SETD1A: variants seen among roughly 807,000 people sequenced by gnomAD.
SETD1A encodes histone-lysine N-methyltransferase SETD1A.
A neutral mutation model predicts 149.9 loss-of-function variants in SETD1A; 29 were observed. The ratio of observed to expected loss-of-function variants is 0.19; its 90% CI spans 0.14 to 0.26. The LOEUF (loss-of-function observed/expected upper bound fraction) is 0.26, where lower values mean the gene tolerates loss of function less well. SETD1A is among the 10% of genes least tolerant of loss of function. SETD1A has a pLI of 1.00. For missense variants in SETD1A, 2,109 were observed against 2,353.1 expected (o/e 0.90, Z 2.15); for synonymous variants, 1,141 against 968.5 (o/e 1.18, Z -3.31).
At chr16:30,982,932 T>C (rs2143601214) in intron 17 of SETD1A, among the ~76,000 whole-genome samples, 1 of 151,806 alleles carries the variant, frequency 6.6e-6, no homozygotes, top group East Asian at 1.9e-4. Context: ...GAAGAACAAA[T>C]ATATGGTCAA....
rs142782803 is a variant in SETD1A at position 30,980,018 on chromosome 16, C to T, written c.4232C>T (p.Pro1411Leu). 367 of 1,538,544 alleles carry T rather than the reference C, an allele frequency of 2.4e-4. 2 individuals carry two copies. Among genetic ancestry groups the T allele is most frequent in the Non-Finnish European group, 8.9e-5 (102 of 1,147,734 alleles). ...CCTCCGCCCCCACCCCCGCCGCCACCGCCCCGCGCCTACGAGCCACGCAGT... is the reference window on the plus strand; with the variant it reads ...CCTCCGCCCCCACCCCCGCCGCCACTGCCCCGCGCCTACGAGCCACGCAGT... ...RRPPPPPPPP[P>L]PRAYEPRSEF... The change falls in exon 14 of 19, where the codon CCG (proline) becomes CTG (leucine). Residue 1411 changes from proline to leucine, a missense_variant. Pro to Leu is a moderately conservative substitution (Grantham distance 98). Around this residue, in one of 8 missense-constraint regions of SETD1A, gnomAD observed 832 missense variants for 815.6 expected, o/e 1.02. Transcript: ENST00000262519. This position sits in a 1 kb window ranked among gnomAD's most constrained non-coding sequence, Gnocchi z 7.7.
At chr16:30,981,693 A>G (rs2056380279) in intron 17 of SETD1A, among the ~76,000 whole-genome samples, 1 of 152,212 alleles carries the variant, frequency 6.6e-6, no homozygotes, top group Non-Finnish European at 1.5e-5. Flanking sequence ...CTCCCTTTCA[A>G]AGGGCCTGGG....
rs2056141424 is a variant in SETD1A at position 30,966,095 on chromosome 16, G to A, written c.2214G>A (p.Glu738=). The part of the protein sequence containing the change: ...LPYALYAQGQ[E]GRGAYSREAY... ...ATGCTCTATATGCACAGGGGCAGGA[G>A]GGCAGAGGGGCATACTCACGGGAGG... The change falls in exon 8 of 19, where the codon GAG becomes GAA. Residue 738 remains glutamate (E), a synonymous_variant. Coordinates refer to ENST00000262519, the MANE Select transcript of SETD1A (RefSeq NM_014712.3). 1 of 1,594,350 alleles carries A rather than the reference G, an allele frequency of 6.3e-7. No individual in the cohort carries two copies. The highest frequency in any genetic ancestry group is 8.6e-7 in the Non-Finnish European group (1 of 1,168,766).
chr16:30,961,614 C>T lies in SETD1A; in HGVS notation c.517+77C>T. 7.1e-7 allele frequency: 1 copy of T among 1,408,110 alleles called. No individual in the cohort carries two copies. Among genetic ancestry groups the T allele is most frequent in the Non-Finnish European group, 9.8e-7 (1 of 1,017,476 alleles). 87.2% of individuals were successfully genotyped at this position (1,408,110 alleles called of 1,614,324 possible). On this transcript the variant is annotated intron_variant, in intron 4 of 18. Coordinates refer to ENST00000262519, the MANE Select transcript of SETD1A (RefSeq NM_014712.3). The surrounding 1 kb of genome is among the most constrained non-coding windows in gnomAD (Gnocchi z 4.0). ...CATGCAAATGCCTGTCAGGGTCAGG[C>T]AGGCGCCCAGGGTCATGATCTGAAA...
At position 30,983,370 on chromosome 16, in the gene SETD1A, G is replaced by A. The variant is rs1244482569; in HGVS notation, c.4813-265G>A. ...TGTGACCAGGCAGATGCTCGAAGGA[G>A]TCAGTGGCTCTCTTACCCAGTGCAG... On this transcript the variant is annotated intron_variant, in intron 17 of 18. Coordinates refer to ENST00000262519, the MANE Select transcript of SETD1A (RefSeq NM_014712.3). The surrounding 1 kb of genome is among the most constrained non-coding windows in gnomAD (Gnocchi z 6.8). Among the ~76,000 whole-genome samples the A allele has an allele frequency of 6.6e-6, 1 of 152,222 alleles. No individual in the cohort carries two copies. Among genetic ancestry groups the A allele is most frequent in the Non-Finnish European group, 1.5e-5 (1 of 68,042 alleles).
At chr16:30,968,494 A>C (rs1316592615) in intron 10 of SETD1A, among the ~76,000 whole-genome samples, 1 of 151,660 alleles carries the variant, frequency 6.6e-6, no homozygotes, top group Admixed American at 6.6e-5. Context: ...ATATATACAC[A>C]CACATATGCG....
chr16:30,971,094 A>G (rs1243293681), intron 12 of SETD1A, among the ~76,000 whole-genome samples: 2 of 151,952 alleles, frequency 1.3e-5, no homozygotes, highest in East Asian at 3.9e-4. Context: ...TGCAGTCCCC[A>G]TGTCTGTGTG....
chr16:30,961,821 T>C lies in SETD1A; in HGVS notation c.517+284T>C, dbSNP rs2056056361. On this transcript the variant is annotated intron_variant, in intron 4 of 18. Coordinates refer to ENST00000262519, the MANE Select transcript of SETD1A (RefSeq NM_014712.3). The surrounding 1 kb of genome is among the most constrained non-coding windows in gnomAD (Gnocchi z 4.0). ...GGTTGTACTAGGTAAGATGAATAGA[T>C]TGTAGTAAATCAGCCCAGGTCAGGT... Among the ~76,000 whole-genome samples, 1 of 151,822 alleles carries C rather than the reference T, an allele frequency of 6.6e-6. No individual in the cohort carries two copies. Among genetic ancestry groups the C allele is most frequent in the South Asian group, 2.1e-4 (1 of 4,830 alleles).
At chr16:30,963,398 C>T (rs1187730696) in intron 4 of SETD1A, 35 bp from the exon 5 acceptor site, 1 of 1,568,068 alleles carries the variant, frequency 6.4e-7, no homozygotes, top group Non-Finnish European at 8.7e-7. Context: ...TTAGTATCTC[C>T]ATCTGACAAT....
In SETD1A at chr16:30,964,974, C is replaced by T; in HGVS notation, c.1232C>T (p.Ser411Phe). The T allele has an allele frequency of 6.2e-7, 1 of 1,614,132 alleles. No individual in the cohort carries two copies. Among genetic ancestry groups the T allele is most frequent in the East Asian group, 2.2e-5 (1 of 44,892 alleles). ...GAGCGCTTCCCACCTTCTTACACCT[C>T]CTACCTGCCCCCCGAGCCCAGCCGG... is the stretch of plus-strand genomic sequence containing the variant. ...TAERFPPSYT[S>F]YLPPEPSRPT... Residue 411 changes from serine to phenylalanine, a missense_variant, in exon 7 of 19, where the codon TCC becomes TTC. Ser to Phe is a radical substitution (Grantham distance 155). Transcript: ENST00000262519.
Position 30,984,106 on chromosome 16 carries a change from T to C in SETD1A, c.*83T>C. 2 of 1,300,496 alleles carry C rather than the reference T, an allele frequency of 1.5e-6. No homozygotes were observed. The highest frequency in any genetic ancestry group is 2.1e-6 in the Non-Finnish European group (2 of 956,082). The allele number at this position is 1,300,496 out of a possible 1,614,324, so 80.6% of individuals were successfully genotyped here. On this transcript the variant is annotated 3_prime_UTR_variant, in exon 19 of 19. Transcript: ENST00000262519. ...CAGCACCCCCCCAGCCTTAGTGGGC[T>C]CAGCAGGGCCCACATGCCCCCATCT...
chr16:30,958,532 G>A, intron 1 of SETD1A, 185 bp from the exon 2 acceptor site: 1 of 596,926 alleles, frequency 1.7e-6, no homozygotes, highest in Non-Finnish European at 3.0e-6. Flanking sequence ...GAGGTGGAAA[G>A]AGGCTGGGTT....
chr16:30,961,666 A>G lies in SETD1A; in HGVS notation c.517+129A>G, dbSNP rs1017630085. ...TGCTGGGGCCAGTTGTGTTTCTGAA[A>G]TCAGATCAGATTTTAGAGTGGAATT... is the stretch of plus-strand genomic sequence containing the variant. On this transcript the variant is annotated intron_variant, in intron 4 of 18. Coordinates refer to ENST00000262519, the MANE Select transcript of SETD1A (RefSeq NM_014712.3). The surrounding 1 kb of genome is among the most constrained non-coding windows in gnomAD (Gnocchi z 4.0). 1.2e-6 allele frequency: 1 copy of G among 811,752 alleles called. No individual in the cohort carries two copies. Among genetic ancestry groups the G allele is most frequent in the Non-Finnish European group, 1.9e-6 (1 of 514,216 alleles). 50.3% of individuals were successfully genotyped at this position (811,752 alleles called of 1,614,324 possible).
rs746492237 is a variant in SETD1A at position 30,965,953 on chromosome 16, A to G, written c.2072A>G (p.His691Arg). 1.2e-6 allele frequency: 2 copies of G among 1,606,222 alleles called. No individual in the cohort carries two copies. Among genetic ancestry groups the G allele is most frequent in the South Asian group, 1.1e-5 (1 of 89,934 alleles). Residue 691 changes from histidine (H) to arginine (R), a missense_variant, in exon 8 of 19, where the codon CAT (histidine) becomes CGT (arginine). Around this residue, in one of 8 missense-constraint regions of SETD1A, gnomAD observed 431 missense variants for 388.6 expected, o/e 1.11. Transcript: ENST00000262519. Reference sequence around the variant, plus strand: ...CAGACCCAGATGTTAACTCGGCTCCATCAGCTGCGGCAGGGCAAGGGATTG... The same window carrying G: ...CAGACCCAGATGTTAACTCGGCTCCGTCAGCTGCGGCAGGGCAAGGGATTG... ...QMQTQMLTRLHQLRQGKGLIA... is the reference protein window; with the variant it reads ...QMQTQMLTRLRQLRQGKGLIA...
Position 30,961,425 on chromosome 16 carries a change from G to A in SETD1A, c.405G>A (p.Leu135=), listed in dbSNP as rs1170615476. The change falls in exon 4 of 19, where the codon CTG becomes CTA. Residue 135 remains leucine (L), a synonymous_variant. Coordinates refer to ENST00000262519, the MANE Select transcript of SETD1A (RefSeq NM_014712.3). This position sits in a 1 kb window ranked among gnomAD's most constrained non-coding sequence, Gnocchi z 4.0. The part of the protein sequence containing the change: ...ILLHPRTRKH[L]GLARVLFTST... ...TTCACCCCCGTACGCGCAAGCACCTGGGCCTGGCCCGTGTGCTCTTCACCA... is the reference window on the plus strand; with the variant it reads ...TTCACCCCCGTACGCGCAAGCACCTAGGCCTGGCCCGTGTGCTCTTCACCA... The A allele has an allele frequency of 4.3e-6, 7 of 1,614,118 alleles. No individual in the cohort carries two copies. Among genetic ancestry groups the A allele is most frequent in the Non-Finnish European group, 5.1e-6 (6 of 1,180,052 alleles).
rs779488297 is a variant in SETD1A at position 30,964,618 on chromosome 16, T to C, written c.876T>C (p.Thr292=). The C allele has an allele frequency of 1.1e-5, 17 of 1,612,256 alleles. No individual in the cohort carries two copies. The Admixed American group carries it at 1.2e-4, about 11-fold the overall frequency. ...TCCCCTGCTTCTTCTCCAGCACCAC[T>C]TCAACCTCCTTCAAGCCCCGGCGGT... The part of the protein sequence containing the change: ...SQDSAYSSST[T]STSFKPRRSE... Residue 292 remains threonine, a synonymous_variant, in exon 7 of 19, where the codon ACT becomes ACC. Transcript: ENST00000262519.
At position 30,966,041 on chromosome 16, in the gene SETD1A, C is replaced by G. The variant is rs2143503154; in HGVS notation, c.2160C>G (p.Pro720=). ...GGGAGGCCTTCCTCCCGTTTCCACCCCCGCAGGAGGCAGCCTACGGCTTGC... is the reference window on the plus strand; with the variant it reads ...GGGAGGCCTTCCTCCCGTTTCCACCGCCGCAGGAGGCAGCCTACGGCTTGC... ...AFGEAFLPFP[P]PQEAAYGLPY... The change falls in exon 8 of 19, where the codon CCC becomes CCG. Residue 720 remains proline, a synonymous_variant. Coordinates refer to ENST00000262519, the MANE Select transcript of SETD1A (RefSeq NM_014712.3). 6.4e-7 allele frequency: 1 copy of G among 1,567,254 alleles called. No individual in the cohort carries two copies. Among genetic ancestry groups the G allele is most frequent in the Non-Finnish European group, 8.6e-7 (1 of 1,156,510 alleles).
chr16:30,959,022 T>A, intron 2 of SETD1A, 69 bp from the exon 3 acceptor site: 1 of 1,441,902 alleles, frequency 6.9e-7, no homozygotes, highest in Non-Finnish European at 9.8e-7. Flanking sequence ...TGTGTCCAGA[T>A]GGGCTGCTTG....
rs1395953546 is a variant in SETD1A, at chr16:30,962,900, C to G, written c.518-533C>G. On this transcript the variant is annotated intron_variant, in intron 4 of 18. Coordinates refer to ENST00000262519, the MANE Select transcript of SETD1A (RefSeq NM_014712.3). Reference sequence around the variant, plus strand: ...GTGGAGATTACATCGTGCCACTGCACTCAAGCCAGAAATTTGGGTTTTTGT... The same window carrying G: ...GTGGAGATTACATCGTGCCACTGCAGTCAAGCCAGAAATTTGGGTTTTTGT... 2.0e-5 allele frequency among the ~76,000 whole-genome samples: 3 copies of G among 152,228 alleles called. No individual in the cohort carries two copies. The East Asian group carries it at 5.8e-4, about 29-fold the overall frequency.
Sources: gnomAD v4.1 joint callset for allele counts (sites outside exome capture counted in the v4.1 genomes callset) on GRCh38, gnomAD v4.1.1 for gene constraint, gnomAD v4.1.1 regional missense constraint, Gnocchi (gnomAD v3.1) non-coding constraint, MANE v1.5 for transcripts, NCBI Gene and HGNC (gene_info 2026-07-23, HGNC 2026-07-21) for gene names.